HTR3B: variants seen among roughly 807,000 people sequenced by gnomAD.
The protein encoded by HTR3B is 5-hydroxytryptamine receptor 3B, also known as 5-hydroxytryptamine (serotonin) receptor 3B, ionotropic.
HTR3B carries 44 observed loss-of-function variants against 42.8 expected under a neutral mutation model. The observed-to-expected ratio is 1.03, with a 90% confidence interval of 0.81 to 1.32. The LOEUF (loss-of-function observed/expected upper bound fraction) is 1.32, where lower values mean the gene tolerates loss of function less well. Ranked by LOEUF, HTR3B falls within the 40% of genes most tolerant of loss-of-function variation. HTR3B has a pLI of 0.00. For missense variants in HTR3B, 527 were observed against 536.5 expected (o/e 0.98, Z 0.17); for synonymous variants, 203 against 209.0 (o/e 0.97, Z 0.25).
At chr11:113,932,873 A>G in intron 5 of HTR3B, 63 bp from the exon 6 acceptor site, 1 of 1,546,740 alleles carries the variant, frequency 6.5e-7, no homozygotes, top group Non-Finnish European at 8.8e-7. Flanking sequence ...GGGAGCTGGA[A>G]AAGTGGGTGG....
In HTR3B at chr11:113,946,052, G is replaced by A. The variant is rs148668509; in HGVS notation, c.1241G>A (p.Arg414Gln). The A allele has an allele frequency of 3.8e-5, 62 of 1,613,988 alleles. No individual in the cohort carries two copies. The highest frequency in any genetic ancestry group is 3.3e-4 in the Middle Eastern group (2 of 6,062). Residue 414 changes from arginine to glutamine, a missense_variant, in exon 9 of 9, where the codon CGA (arginine) becomes CAA (glutamine). Transcript: ENST00000260191. ...EWLVLLSRFD[R>Q]LLFQSYLFML... is the part of the protein sequence containing the mutation. ...CTGGTCCTCCTGTCCCGCTTTGACC[G>A]ACTGCTCTTCCAAAGCTACCTTTTC...
chr11:113,931,465 C>T (rs562278850), intron 3 of HTR3B, 37 bp downstream of exon 3: 6 of 1,290,078 alleles, frequency 4.7e-6, no homozygotes, highest in African/African-American at 1.5e-5. Flanking sequence ...ATATTGCACT[C>T]CTGATCTGGA....
chr11:113,922,887 T>C (rs906594905), intron 2 of HTR3B, among the ~76,000 whole-genome samples: 36 of 152,342 alleles, frequency 2.4e-4, no homozygotes, highest in Middle Eastern at 3.4e-3. Flanking sequence ...CAGTTATTTG[T>C]TAAAATGTTA....
At chr11:113,945,554 A>C (rs538281535) in intron 8 of HTR3B, among the ~76,000 whole-genome samples, 1 of 152,220 alleles carries the variant, frequency 6.6e-6, no homozygotes, top group Non-Finnish European at 1.5e-5. Context: ...GCTTGTGTAC[A>C]TTTAGGTTCT....
chr11:113,930,489 T>G (rs992362716), intron 2 of HTR3B, among the ~76,000 whole-genome samples: 1 of 128,306 alleles, frequency 7.8e-6, no homozygotes, highest in Non-Finnish European at 1.6e-5. Flanking sequence ...TCTTTTCTCT[T>G]TTTTTTTTTT....
upstream of HTR3B, among the ~76,000 whole-genome samples, chr11:113,903,622 C>T (rs1026594423): frequency 2.2e-4 from 33 of 151,664 alleles, no homozygotes; most frequent in Middle Eastern, 3.4e-3. Flanking sequence ...AGAGATGGGG[C>T]TCACCATGTT....
intron 2 of HTR3B, among the ~76,000 whole-genome samples, chr11:113,917,207 G>A (rs984739213): frequency 6.7e-6 from 1 of 150,286 alleles, no homozygotes; most frequent in Admixed American, 6.7e-5. Context: ...ATCTCAGCTC[G>A]CTGTAAACTC....
At chr11:113,904,365 G>A (rs999491399), upstream of HTR3B, among the ~76,000 whole-genome samples, 53 of 152,248 alleles carry the variant, frequency 3.5e-4, no homozygotes, top group South Asian at 4.1e-4. Flanking sequence ...AAAACAAAAA[G>A]CACTTTTCCA....
chr11:113,910,633 G>T (rs1157113256), intron 2 of HTR3B, among the ~76,000 whole-genome samples: 1 of 151,662 alleles, frequency 6.6e-6, no homozygotes, highest in Non-Finnish European at 1.5e-5. Context: ...TAGAGACGGG[G>T]TTTCACCTGT....
At chr11:113,902,632 A>C (rs1476884542), upstream of HTR3B, among the ~76,000 whole-genome samples, 1 of 152,152 alleles carries the variant, frequency 6.6e-6, no homozygotes, top group Admixed American at 6.5e-5. Context: ...TGCTGGTCTT[A>C]CAAACAAGGA....
rs551432663 is a variant in HTR3B at position 113,928,151 on chromosome 11, A to G, written c.214-3233A>G. Among the ~76,000 whole-genome samples the G allele has an allele frequency of 2.6e-4, 40 of 151,974 alleles. No homozygotes were observed. The Middle Eastern group carries it at 0.02, about 78-fold the overall frequency. The stretch of plus-strand genomic sequence containing the variant: ...ATGTGGTGTTTGGTTTTCTCTTCCT[A>G]TGTTAGTTTGCTGAGGATAATGGCT... On this transcript the variant is annotated intron_variant, in intron 2 of 8. Coordinates refer to ENST00000260191, the MANE Select transcript of HTR3B (RefSeq NM_006028.5).
chr11:113,909,228 T>A (rs1443289789), intron 1 of HTR3B, 67 bp from the exon 2 acceptor site: 1 of 1,276,842 alleles, frequency 7.8e-7, no homozygotes, highest in Non-Finnish European at 1.1e-6. Flanking sequence ...TCCTGAACAG[T>A]CTGAAACCTC....
At chr11:113,912,476 C>A (rs1024292728) in intron 2 of HTR3B, among the ~76,000 whole-genome samples, 21 of 152,120 alleles carry the variant, frequency 1.4e-4, no homozygotes, top group Non-Finnish European at 2.2e-4. Flanking sequence ...ATCTCCTGAC[C>A]TCGTGATCCA....
At chr11:113,902,743 A>G (rs1225832780), upstream of HTR3B, among the ~76,000 whole-genome samples, 5 of 152,218 alleles carry the variant, frequency 3.3e-5, no homozygotes, top group Non-Finnish European at 7.3e-5. Context: ...TCGAGTTTCA[A>G]TTCTTCCCAA....
At chr11:113,920,637 G>C (rs948825462) in intron 2 of HTR3B, among the ~76,000 whole-genome samples, 2 of 152,094 alleles carry the variant, frequency 1.3e-5, no homozygotes, top group African/African-American at 4.8e-5. Flanking sequence ...GCCTCCCAAA[G>C]TGCTGGGATT....
At chr11:113,903,364 G>A (rs1949708728), upstream of HTR3B, among the ~76,000 whole-genome samples, 1 of 151,986 alleles carries the variant, frequency 6.6e-6, no homozygotes, top group Non-Finnish European at 1.5e-5. Flanking sequence ...ACAGAGCTAG[G>A]GAATATATGC....
chr11:113,944,493 C>T, intron 7 of HTR3B, 80 bp from the exon 8 acceptor site: 2 of 1,374,986 alleles, frequency 1.5e-6, no homozygotes, highest in Non-Finnish European at 2.0e-6. Context: ...AGAGCAAGAC[C>T]CTGTCCCTAA....
intron 2 of HTR3B, among the ~76,000 whole-genome samples, chr11:113,911,883 C>A (rs2137489800): frequency 6.6e-6 from 1 of 152,164 alleles, no homozygotes; most frequent in Non-Finnish European, 1.5e-5. Flanking sequence ...GTCCCTTGTT[C>A]CCTTCCTAGT....
intron 2 of HTR3B, among the ~76,000 whole-genome samples, chr11:113,927,954 G>A (rs777065138): frequency 5.9e-5 from 9 of 152,140 alleles, no homozygotes; most frequent in Non-Finnish European, 1.2e-4. Flanking sequence ...CGTGTGCCAT[G>A]GTTTGCTGCA....
Sources: gnomAD v4.1 joint callset for allele counts (sites outside exome capture counted in the v4.1 genomes callset) on GRCh38, gnomAD v4.1.1 for gene constraint, MANE v1.5 for transcripts, NCBI Gene and HGNC (gene_info 2026-07-23, HGNC 2026-07-21) for gene names.